The following ZGRF1 variants were observed in gnomAD, a reference collection of about 807,000 sequenced individuals.
The protein encoded by ZGRF1 is zinc finger GRF-type containing 1, also known as 5'-3' DNA helicase ZGRF1.
Under a neutral mutation model 203.5 loss-of-function variants are expected in ZGRF1, and 196 were observed. The ratio of observed to expected loss-of-function variants is 0.96; its 90% CI spans 0.86 to 1.08. The LOEUF is 1.08. Among genes scored for constraint, ZGRF1 ranks in the 50% least tolerant of loss-of-function variants. The probability of loss-of-function intolerance (pLI) is 0.00; values close to 1 mark genes in which losing one functional copy is unlikely to be tolerated. For synonymous variants in ZGRF1, 809 were observed against 841.3 expected, an observed-to-expected ratio of 0.96 and a Z score of 0.66; for missense variants, 2,326 against 2,416.3, an observed-to-expected ratio of 0.96 and a Z score of 0.78.
intron 20 of ZGRF1, 122 bp downstream of exon 20, chr4:112,558,028 C>A: frequency 1.3e-6 from 1 of 770,440 alleles, no homozygotes; most frequent in Non-Finnish European, 2.1e-6. Context: ...GGGTCAGAGA[C>A]AAAGGTCTTG....
Position 112,618,132 on chromosome 4 carries a change from T to A in ZGRF1, c.1910A>T (p.Glu637Val). 1.2e-6 allele frequency: 2 copies of A among 1,613,904 alleles called. No homozygotes were observed. Among genetic ancestry groups the A allele is most frequent in the South Asian group, 1.1e-5 (1 of 91,072 alleles). ...AAAATTGCTTAATGTGTCACTATAC[T>A]CCTCTATTTCTTTTCCTGTGTTTTC... ...KTENTGKEIE[E>V]YSDTLSNFES... Residue 637 changes from glutamate to valine, a missense_variant, in exon 6 of 28, where the codon GAG becomes GTG. Physicochemically the swap from Glu to Val is moderately radical, Grantham distance 121. Transcript: ENST00000505019.
At chr4:112,561,037 C>A (rs767658986) in intron 18 of ZGRF1, 42 bp from the exon 19 acceptor site, 1 of 1,481,396 alleles carries the variant, frequency 6.8e-7, no homozygotes, top group South Asian at 1.2e-5. Flanking sequence ...AAAAAAGGGG[C>A]ATTTGAAAAA....
rs113946696 is a variant in ZGRF1 at position 112,603,744 on chromosome 4, CAT to C, written c.2803-49_2803-48del. The C allele has an allele frequency of 1.0e-3, 1,455 of 1,396,006 alleles. 14 individuals are homozygous for C. In the African/African-American group the frequency reaches 0.019, roughly 18 times the overall value. The allele number at this position is 1,396,006 out of a possible 1,614,324, so 86.5% of individuals were successfully genotyped here. ...TAAGAACTGCATAACTATATGTTGA[CAT>C]ATATATTCACAAAGTAAACACACAG... On this transcript the variant is annotated intron_variant, in intron 9 of 27. Coordinates refer to ENST00000505019, the MANE Select transcript of ZGRF1 (RefSeq NM_018392.5).
chr4:112,612,839 A>G (rs190833580), intron 6 of ZGRF1, among the ~76,000 whole-genome samples: 202 of 152,306 alleles, frequency 1.3e-3, no homozygotes, highest in African/African-American at 4.8e-3. Flanking sequence ...CTAAGTCAAT[A>G]GTAGGAATGT....
intron 13 of ZGRF1, 117 bp downstream of exon 13, chr4:112,586,328 C>A: frequency 2.8e-6 from 2 of 720,518 alleles, no homozygotes; most frequent in African/African-American, 1.8e-5. Flanking sequence ...AAAACTAGAA[C>A]ATATGAAAAA....
At chr4:112,553,789 A>G in intron 22 of ZGRF1, 46 bp downstream of exon 22, 1 of 1,498,194 alleles carries the variant, frequency 6.7e-7, no homozygotes, top group East Asian at 2.3e-5. Context: ...GAGAATCTGA[A>G]TGGTATATAT....
intron 16 of ZGRF1, among the ~76,000 whole-genome samples, chr4:112,573,617 G>GCA (rs1744621933): frequency 6.6e-6 from 1 of 152,014 alleles, no homozygotes; most frequent in Non-Finnish European, 1.5e-5. Context: ...GAAAATATAG[G>GCA]TGAGTAATTT....
At chr4:112,622,635 T>C (rs1195109216) in intron 4 of ZGRF1, among the ~76,000 whole-genome samples, 2 of 152,094 alleles carry the variant, frequency 1.3e-5, no homozygotes, top group East Asian at 3.9e-4. Flanking sequence ...ATCTACATTT[T>C]ACATCAGAGA....
Position 112,585,667 on chromosome 4 carries a change from T to A in ZGRF1, c.3975A>T (p.Lys1325Asn), listed in dbSNP as rs374439245. 1.2e-5 allele frequency: 19 copies of A among 1,608,900 alleles called. 1 individual carries two copies. The highest frequency in any genetic ancestry group is 3.3e-4 in the Middle Eastern group (2 of 6,050). The change falls in exon 14 of 28, where the codon AAA (lysine) becomes AAT (asparagine). Residue 1325 changes from lysine (K) to asparagine (N), a missense_variant. Physicochemically the swap from Lys to Asn is moderately conservative, Grantham distance 94. Transcript: ENST00000505019. ...ATGATGTATAAAATGATATGTCAAC[T>A]TTTGAAAGAGCTTTCTGCAGGTTTT... ...LAQNLQKALS[K>N]VDISFYTSLK...
intron 9 of ZGRF1, among the ~76,000 whole-genome samples, chr4:112,604,556 A>G (rs1418995347): frequency 6.6e-6 from 1 of 152,210 alleles, no homozygotes; most frequent in Non-Finnish European, 1.5e-5. Flanking sequence ...CAGTAACAGA[A>G]AGGGAACAAT....
intron 20 of ZGRF1, 32 bp downstream of exon 20, chr4:112,558,118 A>G: frequency 3.2e-6 from 5 of 1,584,060 alleles, no homozygotes; most frequent in Non-Finnish European, 3.4e-6. Flanking sequence ...ATCCCAAAAC[A>G]TTAGCTACTT....
intron 3 of ZGRF1, among the ~76,000 whole-genome samples, chr4:112,626,122 C>A (rs1302330567): frequency 6.6e-6 from 1 of 151,968 alleles, no homozygotes; most frequent in East Asian, 1.9e-4. Flanking sequence ...GTAGTAATTG[C>A]CAATGAGTAT....
chr4:112,589,969 T>C, intron 10 of ZGRF1, 95 bp from the exon 11 acceptor site: 1 of 909,002 alleles, frequency 1.1e-6, no homozygotes, highest in Non-Finnish European at 1.6e-6. Context: ...ATAAAAATAA[T>C]GATTTAAAGC....
At chr4:112,631,127 T>A (rs559750997) in intron 3 of ZGRF1, among the ~76,000 whole-genome samples, 1 of 152,324 alleles carries the variant, frequency 6.6e-6, no homozygotes, top group South Asian at 2.1e-4. Context: ...ATGCCTAGCA[T>A]ATAATAAGCA....
In ZGRF1 at chr4:112,619,120, T is replaced by G; in HGVS notation, c.922A>C (p.Thr308Pro). 1 of 1,613,876 alleles carries G rather than the reference T, an allele frequency of 6.2e-7. No homozygotes were observed. Among genetic ancestry groups the G allele is most frequent in the Non-Finnish European group, 8.5e-7 (1 of 1,179,936 alleles). The change falls in exon 6 of 28, where the codon ACA (threonine) becomes CCA (proline). Residue 308 changes from threonine to proline, a missense_variant. Transcript: ENST00000505019. The part of the protein sequence containing the change: ...QQEECAEMKS[T>P]ENLYYQHQSE... ...TGATGCTGGTAGTATAAATTTTCTG[T>G]GCTCTTCATCTCAGCACACTCTTCC...
chr4:112,573,896 T>C (rs965173595), intron 16 of ZGRF1, among the ~76,000 whole-genome samples: 4 of 152,134 alleles, frequency 2.6e-5, no homozygotes, highest in Admixed American at 6.5e-5. Flanking sequence ...GAAACACATG[T>C]AACTAAAAAA....
intron 19 of ZGRF1, among the ~76,000 whole-genome samples, chr4:112,559,266 G>A (rs1578715462): frequency 6.6e-6 from 1 of 151,988 alleles, no homozygotes; most frequent in Admixed American, 6.6e-5. Flanking sequence ...TGGCGCAATC[G>A]TGACTCACTG....
At chr4:112,557,572 T>A (rs1362755287) in intron 20 of ZGRF1, among the ~76,000 whole-genome samples, 3 of 152,164 alleles carry the variant, frequency 2.0e-5, no homozygotes, top group Non-Finnish European at 4.4e-5. Context: ...ATCGTCAACA[T>A]ATCTGCATTG....
In ZGRF1 at chr4:112,562,032, C is replaced by A. The variant is rs191641209; in HGVS notation, c.4697+339G>T. Among the ~76,000 whole-genome samples, 13 of 151,832 alleles carry A rather than the reference C, an allele frequency of 8.6e-5. No individual in the cohort carries two copies. In the East Asian group the frequency reaches 2.5e-3, roughly 29 times the overall value. On this transcript the variant is annotated intron_variant, in intron 18 of 27. Coordinates refer to ENST00000505019, the MANE Select transcript of ZGRF1 (RefSeq NM_018392.5). ...TCAAGCAATTCTCCTGCCTCAGCCT[C>A]CCGAATAGCTGTGATTACAGGCATG... is the stretch of plus-strand genomic sequence containing the variant.
Sources: gnomAD v4.1 joint callset for allele counts (sites outside exome capture counted in the v4.1 genomes callset) on GRCh38, gnomAD v4.1.1 for gene constraint, MANE v1.5 for transcripts, NCBI Gene and HGNC (gene_info 2026-07-23, HGNC 2026-07-21) for gene names.